The following NSMCE2 variants were observed in gnomAD, a reference collection of about 807,000 sequenced individuals.
The protein encoded by NSMCE2 is E3 SUMO-protein ligase NSE2.
In NSMCE2, 24 loss-of-function variants were observed where a neutral mutation model predicts 23.8. The observed-to-expected ratio is 1.01, with a 90% CI of 0.73 to 1.42. The LOEUF is 1.42. Among genes scored for constraint, NSMCE2 ranks in the 40% most tolerant of loss-of-function variants. The pLI is 0.00. For missense variants in NSMCE2, 284 were observed against 296.5 expected (o/e 0.96, Z 0.31); for synonymous variants, 92 against 94.1 (o/e 0.98, Z 0.13).
intron 5 of NSMCE2, among the ~76,000 whole-genome samples, chr8:125,242,975 A>G (rs1825815933): frequency 6.6e-6 from 1 of 151,988 alleles, no homozygotes; most frequent in South Asian, 2.1e-4. Context: ...AACCCACAAC[A>G]TTTTTGATAG....
At position 125,272,813 on chromosome 8, in the gene NSMCE2, GTATA is replaced by G. The variant is rs1167434993; in HGVS notation, c.419-84399_419-84396del. Reference sequence around the variant, plus strand: ...CACATGTGTATATATATACACACACGTATATATATACACATATATATACACACGT... The same window carrying G: ...CACATGTGTATATATATACACACACGTATATACACATATATATACACACGT... On this transcript the variant is annotated intron_variant, in intron 5 of 7. Coordinates refer to ENST00000287437, the MANE Select transcript of NSMCE2 (RefSeq NM_173685.4). Among the ~76,000 whole-genome samples, 886 of 119,112 alleles carry G rather than the reference GTATA, an allele frequency of 7.4e-3. 56 individuals carry two copies. Among genetic ancestry groups the G allele is most frequent in the African/African-American group, 0.027 (792 of 29,838 alleles). The allele number at this position is 119,112 out of a possible 152,430, so 78.1% of individuals were successfully genotyped here.
chr8:125,156,513 G>A (rs1298716007), intron 4 of NSMCE2, among the ~76,000 whole-genome samples: 1 of 152,096 alleles, frequency 6.6e-6, no homozygotes, highest in Non-Finnish European at 1.5e-5. Flanking sequence ...AGCCTGGTGA[G>A]GGAGAATATT....
intron 3 of NSMCE2, among the ~76,000 whole-genome samples, chr8:125,125,351 T>G (rs1216370470): frequency 6.6e-6 from 1 of 152,200 alleles, no homozygotes; most frequent in Non-Finnish European, 1.5e-5. Context: ...TGAGAAAGCT[T>G]CACATCATTC....
intron 3 of NSMCE2, among the ~76,000 whole-genome samples, chr8:125,120,970 G>A (rs544406378): frequency 2.6e-4 from 39 of 152,270 alleles, no homozygotes; most frequent in African/African-American, 9.1e-4. Flanking sequence ...CTGCCATAAC[G>A]AAGGTTGATT....
intron 3 of NSMCE2, among the ~76,000 whole-genome samples, chr8:125,112,958 A>G (rs1302706386): frequency 6.6e-6 from 1 of 151,742 alleles, no homozygotes; most frequent in South Asian, 2.1e-4. Context: ...TAGCCATTCC[A>G]CAGTGTTTAC....
intron 5 of NSMCE2, among the ~76,000 whole-genome samples, chr8:125,316,926 G>A (rs564292662): frequency 1.4e-3 from 213 of 151,864 alleles, no homozygotes; most frequent in African/African-American, 4.9e-3. Flanking sequence ...CTATAGGCGT[G>A]TGCCACCACA....
chr8:125,244,936 T>A (rs1251048540), intron 5 of NSMCE2, among the ~76,000 whole-genome samples: 3 of 152,148 alleles, frequency 2.0e-5, no homozygotes, highest in Non-Finnish European at 4.4e-5. Flanking sequence ...ACAAGATCAA[T>A]TAAATATTTA....
At chr8:125,228,501 G>C (rs1036184772) in intron 5 of NSMCE2, among the ~76,000 whole-genome samples, 1 of 152,210 alleles carries the variant, frequency 6.6e-6, no homozygotes, top group Non-Finnish European at 1.5e-5. Context: ...ATTTTGACCA[G>C]CAGAATCAAG....
chr8:125,335,842 G>T (rs1454003375), intron 5 of NSMCE2, among the ~76,000 whole-genome samples: 1 of 152,204 alleles, frequency 6.6e-6, no homozygotes, highest in East Asian at 1.9e-4. Flanking sequence ...AACCAAAGGG[G>T]AAAGTTCAAA....
intron 7 of NSMCE2, among the ~76,000 whole-genome samples, chr8:125,365,698 A>G (rs1363438693): frequency 1.3e-5 from 2 of 152,162 alleles, no homozygotes; most frequent in African/African-American, 4.8e-5. Context: ...TCTACTAAAA[A>G]TACACAAAAT....
At chr8:125,119,721 T>G (rs2130486244) in intron 3 of NSMCE2, among the ~76,000 whole-genome samples, 1 of 152,276 alleles carries the variant, frequency 6.6e-6, no homozygotes. Flanking sequence ...GACATAAAAT[T>G]TTACGTCTTC....
At chr8:125,101,013 C>T (rs1400009898) in intron 1 of NSMCE2, among the ~76,000 whole-genome samples, 1 of 152,134 alleles carries the variant, frequency 6.6e-6, no homozygotes, top group Non-Finnish European at 1.5e-5. Context: ...AAGTGCCTGG[C>T]ACTTAAAGAG....
intron 5 of NSMCE2, among the ~76,000 whole-genome samples, chr8:125,197,717 A>T (rs563198936): frequency 6.6e-6 from 1 of 152,124 alleles, no homozygotes; most frequent in Non-Finnish European, 1.5e-5. Context: ...GTTTTTTCCA[A>T]TTCTTTGAAG....
intron 4 of NSMCE2, among the ~76,000 whole-genome samples, chr8:125,169,927 CTT>C (rs988832990): frequency 1.4e-5 from 2 of 146,246 alleles, no homozygotes; most frequent in African/African-American, 5.0e-5. Context: ...ACTGGGAGTG[CTT>C]TTTTTTTTTC....
At chr8:125,111,836 T>C (rs951309559) in intron 3 of NSMCE2, among the ~76,000 whole-genome samples, 4 of 152,196 alleles carry the variant, frequency 2.6e-5, no homozygotes, top group African/African-American at 9.7e-5. Context: ...ACTTGATAAT[T>C]GGATATGTCA....
At chr8:125,136,108 T>C (rs1006622600) in intron 3 of NSMCE2, among the ~76,000 whole-genome samples, 25 of 152,196 alleles carry the variant, frequency 1.6e-4, no homozygotes, top group African/African-American at 6.0e-4. Flanking sequence ...TAAAACATTT[T>C]TTAATTTTTA....
At chr8:125,341,897 G>GAAAAAA (rs61204647) in intron 5 of NSMCE2, among the ~76,000 whole-genome samples, 2 of 83,236 alleles carry the variant, frequency 2.4e-5, no homozygotes, top group Non-Finnish European at 4.6e-5. Context: ...TCTAGAAATG[G>GAAAAAA]AAAAAAAAAA....
rs2130974973 is a variant in NSMCE2 at position 125,239,790 on chromosome 8, A to G, written c.418+57534A>G. On this transcript the variant is annotated intron_variant, in intron 5 of 7. Transcript: ENST00000287437. ...TGCAAAACTACCTGGATTTTTCAGA[A>G]CTTACATACATTTTACCAAAGTGCA... Among the ~76,000 whole-genome samples, 2 of 152,298 alleles carry G rather than the reference A, an allele frequency of 1.3e-5. 1 individual carries two copies. Among genetic ancestry groups the G allele is most frequent in the South Asian group, 4.1e-4 (2 of 4,828 alleles).
intron 3 of NSMCE2, among the ~76,000 whole-genome samples, chr8:125,136,040 A>G (rs1282954122): frequency 3.3e-5 from 5 of 152,204 alleles, no homozygotes; most frequent in Non-Finnish European, 5.9e-5. Context: ...GTATGCTTCT[A>G]GTCACTCTTG....
Sources: allele counts gnomAD v4.1 joint callset (sites outside exome capture counted in the v4.1 genomes callset), GRCh38; gene constraint gnomAD v4.1.1; transcripts MANE v1.5; gene names NCBI Gene and HGNC (gene_info 2026-07-23, HGNC 2026-07-21).